The following CAMK2B variants were observed in gnomAD, a reference collection of about 807,000 sequenced individuals.
The protein encoded by CAMK2B is calcium/calmodulin-dependent protein kinase type II subunit beta.
A neutral mutation model predicts 93.7 loss-of-function variants in CAMK2B; 27 were observed. That is an observed-to-expected ratio of 0.29 (90% CI 0.21 to 0.40). The LOEUF is 0.40. Among genes scored for constraint, CAMK2B ranks in the 10% least tolerant of loss-of-function variants. The probability of loss-of-function intolerance (pLI) is 1.00; values close to 1 mark genes in which losing one functional copy is unlikely to be tolerated. For synonymous variants in CAMK2B, 374 were observed against 358.8 expected (o/e 1.04, Z -0.48); for missense variants, 568 against 895.8 (o/e 0.63, Z 4.67).
intron 16 of CAMK2B, 41 bp downstream of exon 16, chr7:44,232,781 T>C: frequency 6.2e-7 from 1 of 1,600,636 alleles, no homozygotes. Context: ...GCCTGGAGCC[T>C]CCTGCCTGGG....
At chr7:44,295,263 G>A (rs1787988868) in intron 1 of CAMK2B, among the ~76,000 whole-genome samples, 1 of 152,250 alleles carries the variant, frequency 6.6e-6, no homozygotes, top group Non-Finnish European at 1.5e-5. Flanking sequence ...TCTAGCATGT[G>A]AGAAGCTTGG....
chr7:44,220,839 A>T lies in CAMK2B; in HGVS notation c.1660T>A (p.Phe554Ile). 6.4e-7 allele frequency: 1 copy of T among 1,570,610 alleles called. No homozygotes were observed. Among genetic ancestry groups the T allele is most frequent in the African/African-American group, 1.3e-5 (1 of 74,134 alleles). The change falls in exon 21 of 24, where the codon TTT becomes ATT. Residue 554 changes from phenylalanine to isoleucine, a missense_variant. Phe to Ile is a conservative substitution (Grantham distance 21). This residue lies in a region of CAMK2B where 116 missense variants were observed against 188.0 expected (regional missense o/e 0.62). Coordinates refer to ENST00000395749, the MANE Select transcript of CAMK2B (RefSeq NM_001220.5). ...CCAGGGACTCACGCGTAGGCCTCAAAGTCACCGTTGTTGACGGCCTCGATG... is the reference window on the plus strand; with the variant it reads ...CCAGGGACTCACGCGTAGGCCTCAATGTCACCGTTGTTGACGGCCTCGATG... ...QLIEAVNNGD[F>I]EAYAKICDPG...
rs2096700002 is a variant in CAMK2B at position 44,243,343 on chromosome 7, G to A, written c.518-10C>T. Reference sequence around the variant, plus strand: ...GGTGTGCCAGCGAAACCTAGAGAGAGGGGAAGAGGCCACAAGGGGCTGTCA... The same window carrying A: ...GGTGTGCCAGCGAAACCTAGAGAGAAGGGAAGAGGCCACAAGGGGCTGTCA... On this transcript the variant is annotated splice_polypyrimidine_tract_variant and intron_variant, in intron 7 of 23. Coordinates refer to ENST00000395749, the MANE Select transcript of CAMK2B (RefSeq NM_001220.5). 6.2e-7 allele frequency: 1 copy of A among 1,613,750 alleles called. No homozygotes were observed. Among genetic ancestry groups the A allele is most frequent in the Non-Finnish European group, 8.5e-7 (1 of 1,179,740 alleles).
At chr7:44,250,068 C>T (rs1452074798) in intron 5 of CAMK2B, among the ~76,000 whole-genome samples, 2 of 152,236 alleles carry the variant, frequency 1.3e-5, no homozygotes, top group Non-Finnish European at 2.9e-5. Context: ...GCCCTGCAAA[C>T]GCATGCTCAG....
At chr7:44,273,356 T>A (rs1486273569) in intron 2 of CAMK2B, among the ~76,000 whole-genome samples, 1 of 152,148 alleles carries the variant, frequency 6.6e-6, no homozygotes, top group Non-Finnish European at 1.5e-5. Context: ...GTGCTGGGTG[T>A]CTTGTGTTCA....
intron 1 of CAMK2B, among the ~76,000 whole-genome samples, chr7:44,303,572 C>T (rs2129184328): frequency 6.6e-6 from 1 of 152,268 alleles, no homozygotes; most frequent in East Asian, 1.9e-4. Context: ...AATCTAGACA[C>T]AGATCTTACA....
At chr7:44,245,630 C>G (rs945102625) in intron 6 of CAMK2B, among the ~76,000 whole-genome samples, 1 of 152,178 alleles carries the variant, frequency 6.6e-6, no homozygotes, top group East Asian at 1.9e-4. Context: ...CTCCCAGAGG[C>G]GCCTGAGTGA....
At chr7:44,229,578 G>T (rs1293402059) in intron 17 of CAMK2B, 77 bp from the exon 18 acceptor site, 1 of 609,582 alleles carries the variant, frequency 1.6e-6, no homozygotes, top group South Asian at 2.8e-5. Flanking sequence ...AGGACAGGGG[G>T]AGGCCAGGAG....
At chr7:44,229,078 C>G (rs956061727) in intron 18 of CAMK2B, 154 bp from the exon 19 acceptor site, 18 of 770,376 alleles carry the variant, frequency 2.3e-5, no homozygotes, top group African/African-American at 3.4e-5. Context: ...AGCAGGGAGC[C>G]CCCCCGCCCG....
chr7:44,251,899 CCTCCCGAGCCTACCCTGAGGCTG>C (rs2096784169), intron 5 of CAMK2B, among the ~76,000 whole-genome samples: 1 of 152,218 alleles, frequency 6.6e-6, no homozygotes, highest in South Asian at 2.1e-4. Context: ...TCACTTCTCC[CCTCCCGAGCCTACCCTGAGGCTG>C]CTCCAGACCT....
chr7:44,306,541 C>A (rs1331641356), intron 1 of CAMK2B, among the ~76,000 whole-genome samples: 1 of 152,198 alleles, frequency 6.6e-6, no homozygotes, highest in Non-Finnish European at 1.5e-5. Flanking sequence ...CCACTGTGCC[C>A]ATGCTCTTCC....
chr7:44,317,257 A>G (rs896214053), intron 1 of CAMK2B, among the ~76,000 whole-genome samples: 2 of 151,936 alleles, frequency 1.3e-5, no homozygotes, highest in African/African-American at 4.8e-5. Context: ...TGAAAAAAAA[A>G]AAAAAAAGCA....
intron 2 of CAMK2B, among the ~76,000 whole-genome samples, chr7:44,274,549 C>T (rs559050383): frequency 4.6e-5 from 7 of 152,362 alleles, no homozygotes; most frequent in South Asian, 4.1e-4. Flanking sequence ...CTGGGCACTC[C>T]GAATCCCCTT....
chr7:44,242,156 G>A (rs750736812), intron 10 of CAMK2B, 62 bp downstream of exon 10: 24 of 1,559,912 alleles, frequency 1.5e-5, no homozygotes, highest in Non-Finnish European at 2.0e-5. Context: ...TGCCAGGGGA[G>A]TGGTCTGAGG....
chr7:44,253,008 C>T (rs2096794331), intron 5 of CAMK2B, among the ~76,000 whole-genome samples: 1 of 152,204 alleles, frequency 6.6e-6, no homozygotes, highest in Admixed American at 6.5e-5. Context: ...AGCTTTGTCC[C>T]TCTCCCTGCC....
Position 44,225,857 on chromosome 7 carries a change from TG to T in CAMK2B, c.1597+658del, listed in dbSNP as rs1446580753. On this transcript the variant is annotated intron_variant, in intron 20 of 23. Coordinates refer to ENST00000395749, the MANE Select transcript of CAMK2B (RefSeq NM_001220.5). The surrounding 1 kb of genome is among the most constrained non-coding windows in gnomAD (Gnocchi z 5.0). Reference sequence around the variant, plus strand: ...CCCCAGTCTGGTGTCTCCCCACAGGTGGGGGTGGCAGCAGCCCTGGGATGTC... The same window carrying T: ...CCCCAGTCTGGTGTCTCCCCACAGGTGGGGTGGCAGCAGCCCTGGGATGTC... The T allele has an allele frequency of 7.8e-7, 1 of 1,289,210 alleles. No homozygotes were observed. Among genetic ancestry groups the T allele is most frequent in the Non-Finnish European group, 1.0e-6 (1 of 988,694 alleles). The allele number at this position is 1,289,210 out of a possible 1,614,324, so 79.9% of individuals were successfully genotyped here. A position where few individuals can be genotyped will look rare whatever the true frequency, so the allele number is the denominator to read the frequency against.
At chr7:44,230,911 G>A (rs888784928) in intron 17 of CAMK2B, 95 bp downstream of exon 17, 13 of 1,044,606 alleles carry the variant, frequency 1.2e-5, no homozygotes, top group East Asian at 7.9e-5. Context: ...ACTAGGCGTC[G>A]CAGGAGAGTT....
chr7:44,220,747 AC>A, intron 21 of CAMK2B, 37 bp from the exon 22 acceptor site: 1 of 1,580,486 alleles, frequency 6.3e-7, no homozygotes, highest in Non-Finnish European at 8.6e-7. Flanking sequence ...GGCCCCGTGG[AC>A]CCCTGACTCT....
intron 16 of CAMK2B, among the ~76,000 whole-genome samples, chr7:44,231,753 C>T (rs2096581501): frequency 6.6e-6 from 1 of 152,212 alleles, no homozygotes; most frequent in South Asian, 2.1e-4. Context: ...CCTTAGAGGG[C>T]AGAGGTGGCC....
Sources: gnomAD v4.1 joint callset for allele counts (sites outside exome capture counted in the v4.1 genomes callset) on GRCh38, gnomAD v4.1.1 for gene constraint, gnomAD v4.1.1 regional missense constraint, Gnocchi (gnomAD v3.1) non-coding constraint, MANE v1.5 for transcripts, NCBI Gene and HGNC (gene_info 2026-07-23, HGNC 2026-07-21) for gene names.